DDB1: variants seen among roughly 807,000 people sequenced by gnomAD.
The protein encoded by DDB1 is damage specific DNA binding protein 1, also known as DNA damage-binding protein 1.
DDB1 carries 18 observed loss-of-function variants against 133.1 expected under a neutral mutation model. That is an observed-to-expected ratio of 0.14 (90% CI 0.09 to 0.20). The LOEUF (loss-of-function observed/expected upper bound fraction) is 0.20. Ranked by LOEUF, DDB1 falls within the 10% of genes least tolerant of loss-of-function variation. The pLI, the probability that DDB1 is intolerant of heterozygous loss-of-function variation, is 1.00. For synonymous variants in DDB1, 580 were observed against 550.5 expected, an observed-to-expected ratio of 1.05 and a Z score of -0.75; for missense variants, 828 against 1,459.2, an observed-to-expected ratio of 0.57 and a Z score of 7.05.
At chr11:61,306,175 C>A (rs575080758) in intron 21 of DDB1, among the ~76,000 whole-genome samples, 3 of 152,324 alleles carry the variant, frequency 2.0e-5, no homozygotes, top group African/African-American at 7.2e-5. Flanking sequence ...ACTCACTGCA[C>A]CCTCTGGAAC....
At position 61,322,421 on chromosome 11, in the gene DDB1, A is replaced by G. The variant is rs777751116; in HGVS notation, c.1006-9T>C. On this transcript the variant is annotated splice_polypyrimidine_tract_variant and intron_variant, in intron 8 of 26. Transcript: ENST00000301764. Reference sequence around the variant, plus strand: ...TTACTGTCAACGTTGAGCTAATAAGAAAGAACAATGTTATGTTAGTCCTAG... The same window carrying G: ...TTACTGTCAACGTTGAGCTAATAAGGAAGAACAATGTTATGTTAGTCCTAG... 81 of 1,604,886 alleles carry G rather than the reference A, an allele frequency of 5.0e-5. No homozygotes were observed. The highest frequency in any genetic ancestry group is 6.5e-5 in the Non-Finnish European group (76 of 1,171,630).
Position 61,333,034 on chromosome 11 carries a change from G to T in DDB1, c.-66C>A, listed in dbSNP as rs530439290. 1.4e-6 allele frequency: 2 copies of T among 1,395,790 alleles called. No individual in the cohort carries two copies. Among genetic ancestry groups the T allele is most frequent in the Non-Finnish European group, 9.6e-7 (1 of 1,046,280 alleles). The allele number at this position is 1,395,790 out of a possible 1,614,324, so 86.5% of individuals were successfully genotyped here. On this transcript the variant is annotated 5_prime_UTR_variant, in exon 1 of 27. Transcript: ENST00000301764. ...CTAGAAAGAGGGACACAAGCGAAAA[G>T]ACAGGTGGCCCCCAACAGCGCGCAG...
chr11:61,326,735 G>C (rs184439504), intron 5 of DDB1, 44 bp downstream of exon 5: 36 of 1,520,296 alleles, frequency 2.4e-5, no homozygotes, highest in African/African-American at 6.8e-5. Context: ...CAGGGAACTA[G>C]CCTAGACCCA....
intron 21 of DDB1, 95 bp downstream of exon 21, chr11:61,308,888 C>G: frequency 8.3e-7 from 1 of 1,206,668 alleles, no homozygotes; most frequent in Non-Finnish European, 1.2e-6. Flanking sequence ...TCCTTCAGAT[C>G]TGACACACAC....
intron 10 of DDB1, among the ~76,000 whole-genome samples, chr11:61,317,194 A>G (rs1260862981): frequency 6.6e-6 from 1 of 151,594 alleles, no homozygotes; most frequent in Admixed American, 6.6e-5. Flanking sequence ...GCTCACTGCA[A>G]GCTCCACCTC....
intron 13 of DDB1, 26 bp from the exon 14 acceptor site, chr11:61,314,236 G>T (rs1295741837): frequency 6.3e-7 from 1 of 1,591,192 alleles, no homozygotes; most frequent in Non-Finnish European, 8.6e-7. Context: ...TATGGCAGAG[G>T]AAGGAATCCA....
In DDB1 at chr11:61,332,996, C is replaced by G; in HGVS notation, c.-28G>C. ...CGAGGCTTGGAGCGGCCCGTCGGGA[C>G]TCGAGCGCGACACTAGAAAGAGGGA... On this transcript the variant is annotated 5_prime_UTR_variant, in exon 1 of 27. Transcript: ENST00000301764. 6.7e-7 allele frequency: 1 copy of G among 1,485,904 alleles called. No homozygotes were observed. The highest frequency in any genetic ancestry group is 9.0e-7 in the Non-Finnish European group (1 of 1,109,190). The allele number at this position is 1,485,904 out of a possible 1,614,324, so 92.0% of individuals were successfully genotyped here. A position where few individuals can be genotyped will look rare whatever the true frequency, so the allele number is the denominator to read the frequency against.
intron 18 of DDB1, 100 bp downstream of exon 18, chr11:61,311,684 C>A (rs960165684): frequency 5.7e-6 from 6 of 1,047,620 alleles, no homozygotes; most frequent in Admixed American, 5.6e-5. Context: ...GTAACTGAGA[C>A]CACACTGCCT....
At chr11:61,302,816 C>A (rs943700961) in intron 23 of DDB1, 65 bp from the exon 24 acceptor site, 6 of 1,595,246 alleles carry the variant, frequency 3.8e-6, no homozygotes, top group Non-Finnish European at 5.1e-6. Context: ...TGAGACAGGA[C>A]CACGTGCAGT....
At chr11:61,302,185 G>C in intron 25 of DDB1, 72 bp downstream of exon 25, 1 of 1,316,328 alleles carries the variant, frequency 7.6e-7, no homozygotes, top group South Asian at 1.2e-5. Flanking sequence ...GTAGCTTCCG[G>C]GTAATGTGAC....
rs74605472 is a variant in DDB1 at position 61,307,029 on chromosome 11, CA to C, written c.2661+1953del. On this transcript the variant is annotated intron_variant, in intron 21 of 26. Coordinates refer to ENST00000301764, the MANE Select transcript of DDB1 (RefSeq NM_001923.5). The stretch of plus-strand genomic sequence containing the variant: ...ATTTCACAGAGAACAGAGACACAGC[CA>C]AAAGGGCATTTCCATGAACTTCCAC... 6.3e-4 allele frequency among the ~76,000 whole-genome samples: 96 copies of C among 152,290 alleles called. 1 individual carries two copies. The East Asian group carries it at 0.014, about 23-fold the overall frequency.
intron 16 of DDB1, 134 bp from the exon 17 acceptor site, chr11:61,312,218 G>A: frequency 4.2e-6 from 3 of 722,024 alleles, no homozygotes; most frequent in Non-Finnish European, 7.2e-6. Flanking sequence ...CACCTGGAGA[G>A]ACAGACAATT....
rs554677936 is a variant in DDB1 at position 61,300,060 on chromosome 11, C to T, written c.*76G>A. On this transcript the variant is annotated 3_prime_UTR_variant, in exon 27 of 27. Coordinates refer to ENST00000301764, the MANE Select transcript of DDB1 (RefSeq NM_001923.5). ...GAAAGGCCTCCCATGGCCAAGAAGA[C>T]GATGGTGGAGAGGAGGGGGAGGGCA... The T allele has an allele frequency of 2.5e-5, 37 of 1,483,364 alleles. No individual in the cohort carries two copies. Among genetic ancestry groups the T allele is most frequent in the Middle Eastern group, 4.4e-4 (2 of 4,586 alleles). 91.9% of individuals were successfully genotyped at this position (1,483,364 alleles called of 1,614,324 possible). A position where few individuals can be genotyped will look rare whatever the true frequency, so the allele number is the denominator to read the frequency against.
At position 61,303,170 on chromosome 11, in the gene DDB1, G is replaced by T; in HGVS notation, c.2833-15C>A. 6.2e-7 allele frequency: 1 copy of T among 1,610,070 alleles called. No individual in the cohort carries two copies. The highest frequency in any genetic ancestry group is 1.1e-5 in the South Asian group (1 of 90,942). ...TCTCGAGCAATCTTAAAACAGACAA[G>T]GTGAAAGAAGAAAGCATAATCAGCA... On this transcript the variant is annotated splice_polypyrimidine_tract_variant and intron_variant, in intron 22 of 26. Coordinates refer to ENST00000301764, the MANE Select transcript of DDB1 (RefSeq NM_001923.5).
At chr11:61,301,162 A>G in intron 25 of DDB1, 1 of 560,930 alleles carries the variant, frequency 1.8e-6, no homozygotes, top group Non-Finnish European at 3.1e-6. Flanking sequence ...TTTTAAAAGT[A>G]CAGATCAGAG....
intron 21 of DDB1, among the ~76,000 whole-genome samples, chr11:61,304,421 C>T (rs944735889): frequency 1.3e-5 from 2 of 151,896 alleles, no homozygotes; most frequent in Admixed American, 1.3e-4. Context: ...GAGCTGAGAT[C>T]ATGCCACTGC....
chr11:61,327,630 G>A (rs148164483), intron 4 of DDB1: 47 of 152,240 alleles, frequency 3.1e-4, no homozygotes, highest in African/African-American at 8.4e-4. Context: ...TGATTGCTCC[G>A]CTAAAGTTGT....
intron 11 of DDB1, 49 bp downstream of exon 11, chr11:61,316,443 T>G (rs1338064306): frequency 6.2e-7 from 1 of 1,613,846 alleles, no homozygotes; most frequent in African/African-American, 1.3e-5. Context: ...CTTCCCCACC[T>G]CACAACCTTC....
chr11:61,332,220 A>C (rs1270045159), intron 1 of DDB1: 1 of 157,194 alleles, frequency 6.4e-6, no homozygotes, highest in African/African-American at 2.4e-5. Flanking sequence ...TCTGAACAAC[A>C]GTTTTGTTTT....
Sources: gnomAD v4.1 joint callset for allele counts (sites outside exome capture counted in the v4.1 genomes callset) on GRCh38, gnomAD v4.1.1 for gene constraint, MANE v1.5 for transcripts, NCBI Gene and HGNC (gene_info 2026-07-23, HGNC 2026-07-21) for gene names.